Variants in CA5A observed in about 807,000 individuals in gnomAD.
The protein encoded by CA5A is carbonic anhydrase 5A, mitochondrial.
A neutral mutation model predicts 37.1 loss-of-function variants in CA5A; 28 were observed. That is an observed-to-expected ratio of 0.75 (90% CI 0.56 to 1.03). The LOEUF is 1.03. Among genes scored for constraint, CA5A ranks in the 50% least tolerant of loss-of-function variants. CA5A has a pLI of 0.00. For synonymous variants in CA5A, 171 were observed against 158.4 expected (o/e 1.08, Z -0.60); for missense variants, 444 against 399.9 (o/e 1.11, Z -0.94).
intron 5 of CA5A, among the ~76,000 whole-genome samples, chr16:87,901,635 C>T (rs1027465279): frequency 3.3e-5 from 5 of 151,472 alleles, no homozygotes; most frequent in Non-Finnish European, 5.9e-5. Context: ...GTCACCCAGG[C>T]TGGAGTGCAA....
chr16:87,926,951 G>A lies in CA5A; in HGVS notation c.143-6C>T, dbSNP rs1454373508. 5 of 1,551,916 alleles carry A rather than the reference G, an allele frequency of 3.2e-6. No individual in the cohort carries two copies. Among genetic ancestry groups the A allele is most frequent in the Non-Finnish European group, 4.4e-6 (5 of 1,141,538 alleles). ...GACCGTCCAGAGTGGGTGCACTGCAGGGAGAGAGACGGAGACCCTGAGTGA... is the reference window on the plus strand; with the variant it reads ...GACCGTCCAGAGTGGGTGCACTGCAAGGAGAGAGACGGAGACCCTGAGTGA... On this transcript the variant is annotated splice_region_variant and splice_polypyrimidine_tract_variant and intron_variant, in intron 1 of 6. Coordinates refer to ENST00000649794, the MANE Select transcript of CA5A (RefSeq NM_001739.2).
intron 1 of CA5A, among the ~76,000 whole-genome samples, chr16:87,928,751 C>CTTTTTTTT (rs1567537787): frequency 9.3e-6 from 1 of 107,270 alleles, no homozygotes; most frequent in African/African-American, 3.6e-5. Context: ...GGATTATTTT[C>CTTTTTTTT]TTTTCTTTGT....
downstream of CA5A, chr16:87,885,061 G>T (rs543121993): frequency 6.5e-6 from 1 of 153,122 alleles, no homozygotes; most frequent in South Asian, 2.0e-4. Flanking sequence ...TACTTGTGAG[G>T]CTGAGGCAGG....
rs376780069 is a variant in CA5A, at chr16:87,916,084, C to A, written c.340+10664G>T. Among the ~76,000 whole-genome samples the A allele has an allele frequency of 4.0e-5, 6 of 149,504 alleles. No individual in the cohort carries two copies. The East Asian group carries it at 1.2e-3, about 29-fold the overall frequency. On this transcript the variant is annotated intron_variant, in intron 2 of 6. Transcript: ENST00000649794. ...TCGGGAGCCTGCGGCAGGAGAATGG[C>A]GTGAACCCGGGAGGTGGAGCTTGCA...
chr16:87,936,406 CAAG>C lies in CA5A; in HGVS notation c.42_44del (p.Phe14del), dbSNP rs1658771220. On this transcript the variant is annotated inframe_deletion, in exon 1 of 7. Transcript: ENST00000649794. ...AGAGAGGGGCCCACATCTGCTCAAC[CAAG>C]AAGGAGAAAGCTGAGGTCTTCCAAG... 2 of 1,614,058 alleles carry C rather than the reference CAAG, an allele frequency of 1.2e-6. No homozygotes were observed. Among genetic ancestry groups the C allele is most frequent in the East Asian group, 2.2e-5 (1 of 44,856 alleles).
At chr16:87,923,782 C>T (rs565803556) in intron 2 of CA5A, 2 of 985,176 alleles carry the variant, frequency 2.0e-6, no homozygotes, top group Non-Finnish European at 2.4e-6. Flanking sequence ...GTGAGACCCA[C>T]AGCCACATCT....
intron 1 of CA5A, 79 bp downstream of exon 1, chr16:87,936,230 C>T: frequency 1.0e-6 from 1 of 970,872 alleles, no homozygotes; most frequent in East Asian, 2.5e-5. Context: ...GGGACGGTCT[C>T]TCCTCTCTCC....
At chr16:87,932,080 C>T (rs1032097163) in intron 1 of CA5A, among the ~76,000 whole-genome samples, 24 of 152,006 alleles carry the variant, frequency 1.6e-4, no homozygotes, top group Middle Eastern at 3.2e-3. Context: ...CGCTATTGCA[C>T]GCCAGCCTGA....
downstream of CA5A, chr16:87,885,202 CAACA>C (rs1274391334): frequency 1.9e-4 from 32 of 170,460 alleles, no homozygotes; most frequent in African/African-American, 7.2e-4. Flanking sequence ...ACAACAACAA[CAACA>C]AAAAAAAGAG....
At chr16:87,882,328 TC>T (rs1258440741) in intron 4 of CA5A, 1 of 152,232 alleles carries the variant, frequency 6.6e-6, no homozygotes, top group Non-Finnish European at 1.5e-5. Context: ...CAGGACTTTC[TC>T]TCTTTGCTGC....
rs1341974929 is a variant in CA5A, at chr16:87,892,176, T to C, written c.619-222A>G. ...CAACTTACATTGGTGGGAATTACGT[T>C]ACATTACACCAGCTTACGTTGGTGC... On this transcript the variant is annotated intron_variant, in intron 5 of 6. Coordinates refer to ENST00000649794, the MANE Select transcript of CA5A (RefSeq NM_001739.2). 3 of 457,388 alleles carry C rather than the reference T, an allele frequency of 6.6e-6. No individual in the cohort carries two copies. In the South Asian group the frequency reaches 1.2e-4, roughly 19 times the overall value. The allele number at this position is 457,388 out of a possible 1,614,324, so 28.3% of individuals were successfully genotyped here.
At chr16:87,933,715 C>G (rs2144106840) in intron 1 of CA5A, among the ~76,000 whole-genome samples, 1 of 152,254 alleles carries the variant, frequency 6.6e-6, no homozygotes, top group East Asian at 1.9e-4. Context: ...TTTTGTAACT[C>G]TTTGACTTTT....
intron 1 of CA5A, among the ~76,000 whole-genome samples, chr16:87,933,753 T>G (rs1220090622): frequency 2.0e-5 from 3 of 152,206 alleles, no homozygotes; most frequent in Non-Finnish European, 4.4e-5. Context: ...CCAGTGATTT[T>G]TCAATAATTT....
At chr16:87,885,942 G>T, downstream of CA5A, 1 of 152,288 alleles carries the variant, frequency 6.6e-6, no homozygotes, top group Non-Finnish European at 1.5e-5. Flanking sequence ...ACCTTAAACA[G>T]TCTAGGCTCC....
chr16:87,888,737 T>C (rs1177227714), intron 6 of CA5A, among the ~76,000 whole-genome samples: 1 of 152,172 alleles, frequency 6.6e-6, no homozygotes, highest in Non-Finnish European at 1.5e-5. Flanking sequence ...CTATGGGAGA[T>C]AATAAATGAT....
intron 1 of CA5A, among the ~76,000 whole-genome samples, chr16:87,927,429 C>T (rs373212970): frequency 6.6e-6 from 1 of 152,224 alleles, no homozygotes; most frequent in East Asian, 1.9e-4. Context: ...AAGCCCAACT[C>T]TCCAAGCCCT....
intron 1 of CA5A, among the ~76,000 whole-genome samples, chr16:87,930,419 G>A (rs1242342721): frequency 6.6e-6 from 1 of 152,170 alleles, no homozygotes; most frequent in Non-Finnish European, 1.5e-5. Context: ...GGTCTCCAGA[G>A]TGTTCCTCTG....
chr16:87,892,828 G>T, intron 5 of CA5A: 1 of 307,006 alleles, frequency 3.3e-6, no homozygotes. Flanking sequence ...GCTAATTTTT[G>T]TATTTTTAGT....
rs550366170 is a variant in CA5A, at chr16:87,907,286, C to T, written c.341-2382G>A. ...ACACAATCTAAGGAACTTACAGAAC[C>T]ACAAAATGGGAGCACGGTGAGCTCT... On this transcript the variant is annotated intron_variant, in intron 2 of 6. Coordinates refer to ENST00000649794, the MANE Select transcript of CA5A (RefSeq NM_001739.2). Among the ~76,000 whole-genome samples, 83 of 152,254 alleles carry T rather than the reference C, an allele frequency of 5.5e-4. 1 individual carries two copies. The highest frequency in any genetic ancestry group is 3.4e-3 in the Middle Eastern group (1 of 294).
Sources: allele counts gnomAD v4.1 joint callset (sites outside exome capture counted in the v4.1 genomes callset), GRCh38; gene constraint gnomAD v4.1.1; transcripts MANE v1.5; gene names NCBI Gene and HGNC (gene_info 2026-07-23, HGNC 2026-07-21).